Variants in SPRTN observed in about 807,000 individuals in gnomAD.
The protein encoded by SPRTN is DNA-dependent metalloprotease SPRTN.
In SPRTN, 11 loss-of-function variants were observed where a neutral mutation model predicts 31.9. The ratio of observed to expected loss-of-function variants is 0.34; its 90% confidence interval spans 0.22 to 0.57. SPRTN has a LOEUF of 0.57. Among genes scored for constraint, SPRTN ranks in the 20% least tolerant of loss-of-function variants. The probability of loss-of-function intolerance (pLI) is 0.86; values close to 1 mark genes in which losing one functional copy is unlikely to be tolerated. For synonymous variants in SPRTN, 185 were observed against 212.1 expected, an observed-to-expected ratio of 0.87 and a Z score of 1.11; for missense variants, 482 against 590.1, an observed-to-expected ratio of 0.82 and a Z score of 1.90.
intron 3 of SPRTN, among the ~76,000 whole-genome samples, chr1:231,350,365 GAAT>G (rs1223698105): frequency 6.6e-6 from 1 of 152,178 alleles, no homozygotes; most frequent in Non-Finnish European, 1.5e-5. Context: ...GAAGGCAGAA[GAAT>G]AAGGTGCCCA....
chr1:231,354,400 C>T lies in SPRTN; in HGVS notation c.*1039C>T, dbSNP rs1687333371. On this transcript the variant is annotated 3_prime_UTR_variant, in exon 5 of 5. Coordinates refer to ENST00000295050, the MANE Select transcript of SPRTN (RefSeq NM_032018.7). ...TTTTCTTTTTTCTTGTTGCAATTTT[C>T]CTTCACTTTGTTGTAATACAGGTGC... The T allele has an allele frequency of 1.0e-6, 1 of 984,826 alleles. No homozygotes were observed. The highest frequency in any genetic ancestry group is 1.2e-6 in the Non-Finnish European group (1 of 829,566). 61.0% of individuals were successfully genotyped at this position (984,826 alleles called of 1,614,324 possible).
At chr1:231,342,204 G>A (rs1354478483) in intron 2 of SPRTN, among the ~76,000 whole-genome samples, 1 of 152,162 alleles carries the variant, frequency 6.6e-6, no homozygotes, top group Non-Finnish European at 1.5e-5. Context: ...GCCCTAACTG[G>A]AAGAGTTGCT....
At position 231,339,814 on chromosome 1, in the gene SPRTN, C is replaced by G. The variant is rs1285839051; in HGVS notation, c.267C>G (p.Ser89=). The change falls in exon 2 of 5, where the codon TCC becomes TCG. Residue 89 remains serine, a synonymous_variant. Coordinates refer to ENST00000295050, the MANE Select transcript of SPRTN (RefSeq NM_032018.7). The part of the protein sequence containing the change: ...CSYEGKGGMC[S]IRLSEPLLKL... The stretch of plus-strand genomic sequence containing the variant: ...ATGAAGGGAAGGGTGGAATGTGTTC[C>G]ATCCGTCTCAGCGAACCCCTTTTGA... 1.2e-6 allele frequency: 2 copies of G among 1,614,088 alleles called. No homozygotes were observed. The highest frequency in any genetic ancestry group is 1.7e-6 in the Non-Finnish European group (2 of 1,180,004).
At chr1:231,344,572 A>C (rs1686998352) in intron 2 of SPRTN, 1 of 194,002 alleles carries the variant, frequency 5.2e-6, no homozygotes, top group Non-Finnish European at 1.2e-5. Flanking sequence ...TTTTAGAGGG[A>C]TATATGAATG....
intron 2 of SPRTN, 189 bp downstream of exon 2, chr1:231,340,057 A>AAAC (rs895805286): frequency 1.1e-4 from 56 of 501,742 alleles, no homozygotes; most frequent in Non-Finnish European, 1.7e-4. Flanking sequence ...TAAAAAAAAA[A>AAAC]AAAACAAAAA....
intron 3 of SPRTN, among the ~76,000 whole-genome samples, chr1:231,350,873 G>A (rs1361062380): frequency 6.6e-6 from 1 of 151,994 alleles, no homozygotes; most frequent in Non-Finnish European, 1.5e-5. Context: ...AGAACCCTTT[G>A]CTATTTTTAC....
rs781456117 is a variant in SPRTN at position 231,339,882 on chromosome 1, A to G, written c.321+14A>G. 11 of 1,612,028 alleles carry G rather than the reference A, an allele frequency of 6.8e-6. No homozygotes were observed. Among genetic ancestry groups the G allele is most frequent in the South Asian group, 5.5e-5 (5 of 91,060 alleles). ...GATCTTGTAGAGGTATTTTTCGTGT[A>G]AACTTGCTTCCTAGCGCAGTAATTT... is the stretch of plus-strand genomic sequence containing the variant. On this transcript the variant is annotated intron_variant, in intron 2 of 4. Coordinates refer to ENST00000295050, the MANE Select transcript of SPRTN (RefSeq NM_032018.7).
Position 231,354,164 on chromosome 1 carries a change from G to A in SPRTN, c.*803G>A, listed in dbSNP as rs865940258. On this transcript the variant is annotated 3_prime_UTR_variant, in exon 5 of 5. Transcript: ENST00000295050. ...ACAAAGTTGCCTAGTTGATGTAACA[G>A]TGGAAAGTTATCTGGAAATAGTATT... 2 of 984,820 alleles carry A rather than the reference G, an allele frequency of 2.0e-6. No individual in the cohort carries two copies. Among genetic ancestry groups the A allele is most frequent in the Non-Finnish European group, 2.4e-6 (2 of 829,498 alleles). 61.0% of individuals were successfully genotyped at this position (984,820 alleles called of 1,614,324 possible). A position where few individuals can be genotyped will look rare whatever the true frequency, so the allele number is the denominator to read the frequency against.
intron 2 of SPRTN, among the ~76,000 whole-genome samples, chr1:231,345,613 T>G (rs1431495665): frequency 6.6e-6 from 1 of 152,242 alleles, no homozygotes; most frequent in African/African-American, 2.4e-5. Context: ...TGACCTTGCA[T>G]GCTAGTCTAG....
At chr1:231,346,262 C>T (rs908533331) in intron 2 of SPRTN, among the ~76,000 whole-genome samples, 9 of 141,770 alleles carry the variant, frequency 6.3e-5, no homozygotes, top group Admixed American at 1.5e-4. Flanking sequence ...ATTCTCGGCT[C>T]ACTGCAACCT....
At chr1:231,346,798 C>A (rs1483164174) in intron 2 of SPRTN, among the ~76,000 whole-genome samples, 1 of 151,964 alleles carries the variant, frequency 6.6e-6, no homozygotes, top group Non-Finnish European at 1.5e-5. Flanking sequence ...AAAAATTAGC[C>A]AGGCATGGTG....
chr1:231,353,180 GT>G lies in SPRTN; in HGVS notation c.1290del (p.Ser430ArgfsTer87). 6.2e-7 allele frequency: 1 copy of G among 1,613,318 alleles called. No individual in the cohort carries two copies. The highest frequency in any genetic ancestry group is 8.5e-7 in the Non-Finnish European group (1 of 1,179,816). On this transcript the variant is annotated frameshift_variant, in exon 5 of 5. Transcript: ENST00000295050. LOFTEE classifies it low-confidence loss of function (END_TRUNC). ...ATCAAGAAAGAGCAAATAAAAAGCAGTGGTAATGATCCAAAGTATAGTACAA... is the reference window on the plus strand; with the variant it reads ...ATCAAGAAAGAGCAAATAAAAAGCAGGGTAATGATCCAAAGTATAGTACAA... ...FFIKKEQIKS[S>X]GNDPKYSTTT...
At position 231,338,316 on chromosome 1, in the gene SPRTN, C is replaced by T. The variant is rs1268669641; in HGVS notation, c.-68C>T. 5 of 1,569,094 alleles carry T rather than the reference C, an allele frequency of 3.2e-6. No homozygotes were observed. The highest frequency in any genetic ancestry group is 2.6e-6 in the Non-Finnish European group (3 of 1,149,252). On this transcript the variant is annotated 5_prime_UTR_variant, in exon 1 of 5. Transcript: ENST00000295050. Reference sequence around the variant, plus strand: ...CTAGTCCTGGTCCTCGGCTAGGCGGCTTGGGGTCGCGGCGTAACTGGGGAG... The same window carrying T: ...CTAGTCCTGGTCCTCGGCTAGGCGGTTTGGGGTCGCGGCGTAACTGGGGAG...
intron 1 of SPRTN, 81 bp from the exon 2 acceptor site, chr1:231,339,684 GAGTT>G (rs1334668600): frequency 3.8e-6 from 5 of 1,327,420 alleles, no homozygotes; most frequent in South Asian, 3.6e-5. Context: ...TCTGCCAACT[GAGTT>G]AGTGTGAACT....
At chr1:231,348,292 CTTT>C (rs1406259332) in intron 3 of SPRTN, among the ~76,000 whole-genome samples, 1 of 152,164 alleles carries the variant, frequency 6.6e-6, no homozygotes, top group Non-Finnish European at 1.5e-5. Context: ...CAGAATTCTT[CTTT>C]GATTCATATC....
In SPRTN at chr1:231,352,980, A is replaced by C. The variant is rs1687286201; in HGVS notation, c.1089A>C (p.Ser363=). The C allele has an allele frequency of 6.2e-7, 1 of 1,614,006 alleles. No individual in the cohort carries two copies. Among genetic ancestry groups the C allele is most frequent in the Non-Finnish European group, 8.5e-7 (1 of 1,179,986 alleles). ...SVTVGNIPKN[S]VSSSSQRRVS... ...CAGTTGGCAACATCCCTAAAAACTC[A>C]GTCTCTTCTAGTTCTCAGAGAAGGG... Residue 363 remains serine, a synonymous_variant, in exon 5 of 5, where the codon TCA becomes TCC. Transcript: ENST00000295050.
In SPRTN at chr1:231,352,670, T is replaced by C. The variant is rs766050537; in HGVS notation, c.779T>C (p.Leu260Pro). The C allele has an allele frequency of 1.2e-6, 2 of 1,613,770 alleles. No homozygotes were observed. The highest frequency in any genetic ancestry group is 1.7e-6 in the Non-Finnish European group (2 of 1,179,860). ...CCTTTTAGTGGGAAAGGATATGTTC[T>C]AGGAGAAACAAGCAATTTACCTTCA... ...VIPFSGKGYV[L>P]GETSNLPSPG... Residue 260 changes from leucine (L) to proline (P), a missense_variant, in exon 5 of 5, where the codon CTA (leucine) becomes CCA (proline). Coordinates refer to ENST00000295050, the MANE Select transcript of SPRTN (RefSeq NM_032018.7).
At chr1:231,339,037 T>G (rs1189809209) in intron 1 of SPRTN, among the ~76,000 whole-genome samples, 2 of 152,214 alleles carry the variant, frequency 1.3e-5, no homozygotes, top group Non-Finnish European at 1.5e-5. Flanking sequence ...CCCACTTTAG[T>G]TAGCTCGTGT....
chr1:231,351,103 T>A (rs944803411), intron 3 of SPRTN, among the ~76,000 whole-genome samples: 2 of 151,524 alleles, frequency 1.3e-5, no homozygotes, highest in Non-Finnish European at 2.9e-5. Flanking sequence ...TATTAACTGC[T>A]GCTGTTTCCC....
Sources: allele counts gnomAD v4.1 joint callset (sites outside exome capture counted in the v4.1 genomes callset), GRCh38; gene constraint gnomAD v4.1.1; transcripts MANE v1.5; gene names NCBI Gene and HGNC (gene_info 2026-07-23, HGNC 2026-07-21).